The following GRID1 variants were observed in gnomAD, a reference collection of about 807,000 sequenced individuals.
GRID1 encodes glutamate ionotropic receptor delta type subunit 1.
GRID1 carries 28 observed loss-of-function variants against 98.0 expected under a neutral mutation model. That is an observed-to-expected ratio of 0.29 (90% CI 0.21 to 0.39). The LOEUF (loss-of-function observed/expected upper bound fraction) is 0.39. Among genes scored for constraint, GRID1 ranks in the 10% least tolerant of loss-of-function variants. The probability of loss-of-function intolerance (pLI) is 1.00; values close to 1 mark genes in which losing one functional copy is unlikely to be tolerated. For synonymous variants in GRID1, 553 were observed against 538.5 expected (o/e 1.03, Z -0.37); for missense variants, 1,111 against 1,340.5 (o/e 0.83, Z 2.67).
intron 13 of GRID1, among the ~76,000 whole-genome samples, chr10:85,630,205 TA>T (rs1367528279): frequency 1.2e-4 from 19 of 152,200 alleles, no homozygotes; most frequent in African/African-American, 4.6e-4. Flanking sequence ...CACGGCATGG[TA>T]TGTTGGCAAG....
chr10:86,158,580 G>C (rs1031616221), intron 3 of GRID1, among the ~76,000 whole-genome samples: 1 of 152,216 alleles, frequency 6.6e-6, no homozygotes, highest in Non-Finnish European at 1.5e-5. Context: ...GTGAGGTCAC[G>C]GAGGTACCAC....
chr10:85,986,110 G>A (rs1159241760), intron 4 of GRID1, among the ~76,000 whole-genome samples: 7 of 152,234 alleles, frequency 4.6e-5, no homozygotes, highest in African/African-American at 1.4e-4. Context: ...TAAGCACAAC[G>A]AGGAGGGAAG....
chr10:85,830,595 T>G (rs1842859411), intron 8 of GRID1, among the ~76,000 whole-genome samples: 1 of 152,040 alleles, frequency 6.6e-6, no homozygotes, highest in African/African-American at 2.4e-5. Flanking sequence ...ATCCAGAATC[T>G]GTAAGGAACT....
Position 86,080,383 on chromosome 10 carries a change from A to AAAGGG in GRID1, c.726+58431_726+58435dup, listed in dbSNP as rs1300914353. Reference sequence around the variant, plus strand: ...AAAAAAGAGAGAGAAAAAGGAAAGGAAAGGGAAGGGAAGGGAAGGGAAGGG... The same window carrying AAAGGG: ...AAAAAAGAGAGAGAAAAAGGAAAGGAAAGGGAAGGGAAGGGAAGGGAAGGGAAGGG... On this transcript the variant is annotated intron_variant, in intron 4 of 15. Transcript: ENST00000327946. 9.3e-4 allele frequency among the ~76,000 whole-genome samples: 51 copies of AAAGGG among 54,796 alleles called. 1 individual carries two copies. Among genetic ancestry groups the AAAGGG allele is most frequent in the African/African-American group, 1.1e-3 (15 of 13,910 alleles). 35.9% of individuals were successfully genotyped at this position (54,796 alleles called of 152,430 possible).
intron 14 of GRID1, among the ~76,000 whole-genome samples, chr10:85,617,645 T>C (rs1842807826): frequency 6.6e-6 from 1 of 152,200 alleles, no homozygotes; most frequent in African/African-American, 2.4e-5. Flanking sequence ...GAGGAAACTG[T>C]GGGAAGCCAG....
intron 8 of GRID1, among the ~76,000 whole-genome samples, chr10:85,845,062 A>G (rs892458014): frequency 6.6e-6 from 1 of 152,088 alleles, no homozygotes; most frequent in African/African-American, 2.4e-5. Flanking sequence ...TATTACATCT[A>G]TTTAACTTGA....
intron 2 of GRID1, among the ~76,000 whole-genome samples, chr10:86,357,126 C>T (rs994195342): frequency 5.3e-5 from 8 of 152,252 alleles, no homozygotes; most frequent in Non-Finnish European, 8.8e-5. Flanking sequence ...CTCATCCCCT[C>T]CAGTCCACCC....
intron 8 of GRID1, among the ~76,000 whole-genome samples, chr10:85,758,232 A>G (rs1166330234): frequency 1.3e-5 from 2 of 152,226 alleles, no homozygotes; most frequent in African/African-American, 4.8e-5. Context: ...TTATCAAATA[A>G]TTGCAAAACT....
At chr10:85,820,599 G>C (rs1015749658) in intron 8 of GRID1, among the ~76,000 whole-genome samples, 4 of 152,084 alleles carry the variant, frequency 2.6e-5, no homozygotes, top group African/African-American at 4.8e-5. Context: ...ATTATTGTGT[G>C]AGATGTTAAA....
chr10:86,258,893 C>T (rs916986000), intron 2 of GRID1, among the ~76,000 whole-genome samples: 2 of 152,240 alleles, frequency 1.3e-5, no homozygotes, highest in Non-Finnish European at 2.9e-5. Context: ...ACATAAGAAA[C>T]TGATCATAGC....
rs564389362 is a variant in GRID1, at chr10:85,824,671, G to GT, written c.1233+29824dup. 1.0e-3 allele frequency among the ~76,000 whole-genome samples: 157 copies of GT among 152,148 alleles called. 1 individual carries two copies. The highest frequency in any genetic ancestry group is 3.5e-3 in the African/African-American group (145 of 41,504). The stretch of plus-strand genomic sequence containing the variant: ...TAGTGTACATTGTACCCAATATATA[G>GT]TTTTTTATCCCTCACCACCCCCCCA... On this transcript the variant is annotated intron_variant, in intron 8 of 15. Coordinates refer to ENST00000327946, the MANE Select transcript of GRID1 (RefSeq NM_017551.3).
chr10:86,229,167 G>C (rs67131863), intron 2 of GRID1, among the ~76,000 whole-genome samples: 43,209 of 152,002 alleles, frequency 0.28, 6,991 homozygotes, highest in Non-Finnish European at 0.38. Context: ...CTAGCCATGT[G>C]CCTCTGTGCC....
At chr10:86,012,727 T>C (rs899096093) in intron 4 of GRID1, among the ~76,000 whole-genome samples, 1 of 152,118 alleles carries the variant, frequency 6.6e-6, no homozygotes. Flanking sequence ...AGAGCTTTTT[T>C]ACCCCTTCTG....
At chr10:86,359,296 A>G (rs1397796759) in intron 2 of GRID1, among the ~76,000 whole-genome samples, 1 of 152,166 alleles carries the variant, frequency 6.6e-6, no homozygotes, top group Admixed American at 6.5e-5. Flanking sequence ...GGGACCTACA[A>G]TTCTCTATAA....
intron 13 of GRID1, among the ~76,000 whole-genome samples, chr10:85,641,549 C>T (rs753907093): frequency 1.1e-4 from 16 of 152,256 alleles, no homozygotes; most frequent in Middle Eastern, 3.4e-3. Flanking sequence ...GGAAGAGGCA[C>T]GAGTGGAATG....
intron 2 of GRID1, among the ~76,000 whole-genome samples, chr10:86,270,582 C>T (rs1268151955): frequency 1.3e-5 from 2 of 152,044 alleles, no homozygotes; most frequent in African/African-American, 4.8e-5. Flanking sequence ...CCCAGCTACT[C>T]AGGAGGCTGA....
chr10:86,036,243 CAG>C (rs1843259659), intron 4 of GRID1, among the ~76,000 whole-genome samples: 1 of 152,206 alleles, frequency 6.6e-6, no homozygotes, highest in Admixed American at 6.5e-5. Flanking sequence ...TTGGGCTGGG[CAG>C]ACTCTCCATG....
At chr10:86,007,293 C>G (rs193239676) in intron 4 of GRID1, among the ~76,000 whole-genome samples, 1 of 152,342 alleles carries the variant, frequency 6.6e-6, no homozygotes, top group Non-Finnish European at 1.5e-5. Flanking sequence ...CTGCCGCTCT[C>G]TCCTCCCACC....
At chr10:86,263,478 G>A (rs1847052282) in intron 2 of GRID1, among the ~76,000 whole-genome samples, 2 of 152,318 alleles carry the variant, frequency 1.3e-5, no homozygotes, top group African/African-American at 4.8e-5. Context: ...ACCAAGTCAC[G>A]TGGGCGCCGT....
Sources: allele counts gnomAD v4.1 joint callset (sites outside exome capture counted in the v4.1 genomes callset), GRCh38; gene constraint gnomAD v4.1.1; transcripts MANE v1.5; gene names NCBI Gene and HGNC (gene_info 2026-07-23, HGNC 2026-07-21).